Variants in UNC5D observed in about 807,000 individuals in gnomAD.
UNC5D encodes unc-5 netrin receptor D.
A neutral mutation model predicts 105.4 loss-of-function variants in UNC5D; 39 were observed. That is an observed-to-expected ratio of 0.37 (90% CI 0.29 to 0.48). UNC5D has a LOEUF of 0.48. Among genes scored for constraint, UNC5D ranks in the 20% least tolerant of loss-of-function variants. The pLI is 0.98. For missense variants in UNC5D, 991 were observed against 1,202.4 expected, an observed-to-expected ratio of 0.82 and a Z score of 2.60; for synonymous variants, 452 against 450.4, an observed-to-expected ratio of 1.00 and a Z score of -0.04.
chr8:35,392,658 A>C (rs867035286), intron 1 of UNC5D, among the ~76,000 whole-genome samples: 18 of 152,324 alleles, frequency 1.2e-4, no homozygotes, highest in Admixed American at 2.0e-4. Context: ...CCCATTACAA[A>C]GTCACATCGG....
intron 1 of UNC5D, among the ~76,000 whole-genome samples, chr8:35,506,135 T>C (rs1812291690): frequency 6.6e-6 from 1 of 152,190 alleles, no homozygotes; most frequent in Non-Finnish European, 1.5e-5. Flanking sequence ...TCAGTGAGGA[T>C]ATTAGAAACC....
At chr8:35,321,793 T>A (rs1809766685) in intron 1 of UNC5D, among the ~76,000 whole-genome samples, 1 of 152,266 alleles carries the variant, frequency 6.6e-6, no homozygotes, top group African/African-American at 2.4e-5. Context: ...GGTTTCATGT[T>A]GCAAGCACTG....
At chr8:35,783,097 C>T (rs1252646384) in intron 16 of UNC5D, among the ~76,000 whole-genome samples, 2 of 151,562 alleles carry the variant, frequency 1.3e-5, no homozygotes, top group Non-Finnish European at 1.5e-5. Flanking sequence ...GAGCTATGAT[C>T]GCACCACTGC....
At chr8:35,349,607 G>A (rs1812059893) in intron 1 of UNC5D, among the ~76,000 whole-genome samples, 1 of 151,836 alleles carries the variant, frequency 6.6e-6, no homozygotes, top group South Asian at 2.1e-4. Flanking sequence ...TATTTATTTT[G>A]GAGAAAATGT....
intron 1 of UNC5D, among the ~76,000 whole-genome samples, chr8:35,258,932 G>A (rs1290872639): frequency 1.3e-5 from 2 of 152,138 alleles, no homozygotes; most frequent in African/African-American, 4.8e-5. Flanking sequence ...GAGAAGGTTT[G>A]AGAGACAGGT....
In UNC5D at chr8:35,792,854, G is replaced by A. The variant is rs1803103738; in HGVS notation, c.*2291G>A. The A allele has an allele frequency of 2.9e-6, 1 of 344,680 alleles. No homozygotes were observed. 21.4% of individuals were successfully genotyped at this position (344,680 alleles called of 1,614,324 possible). A position where few individuals can be genotyped will look rare whatever the true frequency, so the allele number is the denominator to read the frequency against. On this transcript the variant is annotated 3_prime_UTR_variant, in exon 17 of 17. Coordinates refer to ENST00000404895, the MANE Select transcript of UNC5D (RefSeq NM_080872.4). ...TTTTTAGATGTTTGATACATTTTAA[G>A]TATTTTTAAATAGATGAAAATTCTA...
chr8:35,238,144 C>T (rs1431851324), intron 1 of UNC5D, among the ~76,000 whole-genome samples: 1 of 152,152 alleles, frequency 6.6e-6, no homozygotes, highest in African/African-American at 2.4e-5. Context: ...AGAATTATGC[C>T]ATTTGCCTTG....
intron 1 of UNC5D, among the ~76,000 whole-genome samples, chr8:35,276,594 A>G (rs1240438465): frequency 2.6e-5 from 4 of 152,132 alleles, no homozygotes; most frequent in Admixed American, 2.6e-4. Context: ...ACTTGTTTTG[A>G]TTCCACATTC....
chr8:35,557,626 G>C (rs2130734471), intron 2 of UNC5D, among the ~76,000 whole-genome samples: 1 of 152,238 alleles, frequency 6.6e-6, no homozygotes, highest in East Asian at 1.9e-4. Flanking sequence ...CTATCTGTCA[G>C]TTTTGAAACT....
chr8:35,453,564 C>T (rs1808303172), intron 1 of UNC5D, among the ~76,000 whole-genome samples: 1 of 152,108 alleles, frequency 6.6e-6, no homozygotes, highest in Admixed American at 6.6e-5. Context: ...AATTTTGTTT[C>T]CTTCACATTT....
At chr8:35,741,811 T>C (rs1299435058) in intron 11 of UNC5D, among the ~76,000 whole-genome samples, 1 of 152,190 alleles carries the variant, frequency 6.6e-6, no homozygotes, top group Admixed American at 6.5e-5. Context: ...TTCTCAAATG[T>C]TAGTGCCAGC....
intron 1 of UNC5D, among the ~76,000 whole-genome samples, chr8:35,386,629 GTTTGGGTT>G (rs1803417155): frequency 6.6e-6 from 1 of 152,310 alleles, no homozygotes; most frequent in East Asian, 1.9e-4. Flanking sequence ...ATGAAAAATT[GTTTGGGTT>G]CCCCCACTTA....
chr8:35,561,762 G>A (rs986819054), intron 2 of UNC5D, among the ~76,000 whole-genome samples: 1 of 151,750 alleles, frequency 6.6e-6, no homozygotes, highest in African/African-American at 2.4e-5. Flanking sequence ...TTTTTTAATT[G>A]ATACATAATT....
At chr8:35,625,037 G>A (rs906166427) in intron 4 of UNC5D, among the ~76,000 whole-genome samples, 32 of 152,120 alleles carry the variant, frequency 2.1e-4, no homozygotes, top group African/African-American at 7.5e-4. Context: ...TGAGCCCAGT[G>A]GTCTATGAAC....
In UNC5D at chr8:35,461,200, G is replaced by A. The variant is rs569108381; in HGVS notation, c.104-88092G>A. On this transcript the variant is annotated intron_variant, in intron 1 of 16. Coordinates refer to ENST00000404895, the MANE Select transcript of UNC5D (RefSeq NM_080872.4). ...GCTCATAGTCTTTCCCAGGAACGGTGATGGGTGAGTTGGTTAGGGAACGGA... is the reference window on the plus strand; with the variant it reads ...GCTCATAGTCTTTCCCAGGAACGGTAATGGGTGAGTTGGTTAGGGAACGGA... Among the ~76,000 whole-genome samples, 225 of 152,266 alleles carry A rather than the reference G, an allele frequency of 1.5e-3. 1 individual carries two copies. The highest frequency in any genetic ancestry group is 4.9e-3 in the African/African-American group (205 of 41,574).
chr8:35,335,744 TGA>T (rs1423815142), intron 1 of UNC5D, among the ~76,000 whole-genome samples: 1 of 140,358 alleles, frequency 7.1e-6, no homozygotes, highest in Non-Finnish European at 1.5e-5. Flanking sequence ...TAGAATGAAA[TGA>T]GAGATTGCAA....
chr8:35,332,837 G>A (rs914227991), intron 1 of UNC5D, among the ~76,000 whole-genome samples: 1 of 152,144 alleles, frequency 6.6e-6, no homozygotes, highest in African/African-American at 2.4e-5. Context: ...GAGTGCTGGG[G>A]ACAAAGAAGA....
At chr8:35,397,858 T>C (rs1321562529) in intron 1 of UNC5D, among the ~76,000 whole-genome samples, 3 of 152,190 alleles carry the variant, frequency 2.0e-5, no homozygotes, top group Non-Finnish European at 4.4e-5. Context: ...ATGTTACTCC[T>C]TTACTTACAA....
chr8:35,665,009 GT>G (rs1290970370), intron 4 of UNC5D, among the ~76,000 whole-genome samples: 5 of 151,992 alleles, frequency 3.3e-5, no homozygotes, highest in South Asian at 4.2e-4. Flanking sequence ...AATTTTTTAA[GT>G]TTTTATAGAG....
Sources: gnomAD v4.1 joint callset for allele counts (sites outside exome capture counted in the v4.1 genomes callset) on GRCh38, gnomAD v4.1.1 for gene constraint, MANE v1.5 for transcripts, NCBI Gene and HGNC (gene_info 2026-07-23, HGNC 2026-07-21) for gene names.